Variants in DRC8 observed in about 807,000 individuals in gnomAD.
DRC8 encodes the protein dynein regulatory complex subunit 8.
chr1:245,001,758 T>C, the DRC8 span, among the ~76,000 whole-genome samples: 1 of 152,226 alleles, frequency 6.6e-6, no homozygotes, highest in Admixed American at 6.5e-5. Context: ...ACTTACATCT[T>C]TAGACTGCTG....
At chr1:245,103,673 C>A in the DRC8 span, among the ~76,000 whole-genome samples, 1 of 151,588 alleles carries the variant, frequency 6.6e-6, no homozygotes, top group East Asian at 1.9e-4. Flanking sequence ...TATTTCAGTC[C>A]TCCACCCTGT....
chr1:245,117,243 A>G, the DRC8 span, among the ~76,000 whole-genome samples: 2 of 151,910 alleles, frequency 1.3e-5, no homozygotes, highest in African/African-American at 4.8e-5. Context: ...TAGTAGAGAC[A>G]GGGTTTCACC....
At chr1:245,077,217 A>G in the DRC8 span, among the ~76,000 whole-genome samples, 1 of 152,168 alleles carries the variant, frequency 6.6e-6, no homozygotes, top group Admixed American at 6.5e-5. Context: ...ATTGTCTCAC[A>G]GTTCTAAAGG....
the DRC8 span, chr1:244,970,359 C>G: frequency 6.5e-7 from 1 of 1,530,178 alleles, no homozygotes; most frequent in Admixed American, 2.0e-5. Flanking sequence ...CTGAGCAGGC[C>G]GGGACACCGC....
chr1:245,030,868 C>T, the DRC8 span: 1 of 152,410 alleles, frequency 6.6e-6, no homozygotes, highest in South Asian at 2.1e-4. Context: ...TGTCAATATT[C>T]AGTAGTGTGT....
At chr1:245,109,680 A>T in the DRC8 span, among the ~76,000 whole-genome samples, 1 of 152,232 alleles carries the variant, frequency 6.6e-6, no homozygotes, top group South Asian at 2.1e-4. Context: ...AAAAAGAATG[A>T]TCACTTCCAT....
chr1:245,114,421 C>T, the DRC8 span, among the ~76,000 whole-genome samples: 20 of 151,472 alleles, frequency 1.3e-4, no homozygotes, highest in African/African-American at 4.6e-4. Context: ...GCTGAGGTCA[C>T]GCCACTGCAC....
the DRC8 span, among the ~76,000 whole-genome samples, chr1:245,109,710 C>T: frequency 6.2e-4 from 95 of 152,372 alleles, no homozygotes; most frequent in East Asian, 0.017. Context: ...AAGGAAATCA[C>T]AGCTCGGAGA....
At chr1:245,050,601 A>G in the DRC8 span, among the ~76,000 whole-genome samples, 2 of 152,204 alleles carry the variant, frequency 1.3e-5, no homozygotes, top group African/African-American at 2.4e-5. Flanking sequence ...GTGAGGGTTC[A>G]GTGAGTTAAT....
At chr1:245,029,803 C>T in the DRC8 span, among the ~76,000 whole-genome samples, 1 of 151,962 alleles carries the variant, frequency 6.6e-6, no homozygotes, top group Non-Finnish European at 1.5e-5. Context: ...ACCATGTTGG[C>T]CAGGCTGGTC....
the DRC8 span, among the ~76,000 whole-genome samples, chr1:245,045,651 CT>C: frequency 6.6e-6 from 1 of 152,168 alleles, no homozygotes; most frequent in East Asian, 1.9e-4. Context: ...GGTCACACCC[CT>C]GTGCAAACAG....
the DRC8 span, among the ~76,000 whole-genome samples, chr1:245,044,652 T>C: frequency 0.91 from 139,034 of 152,128 alleles, 64,570 homozygotes; most frequent in Non-Finnish European, 1. Flanking sequence ...ATCTCGGCTC[T>C]ACCTCCCGGG....
At chr1:245,109,576 G>A in the DRC8 span, among the ~76,000 whole-genome samples, 1 of 152,186 alleles carries the variant, frequency 6.6e-6, no homozygotes, top group African/African-American at 2.4e-5. Flanking sequence ...GATAATACTG[G>A]CCGCACGTAC....
chr1:245,083,778 A>C, the DRC8 span: 1 of 1,487,562 alleles, frequency 6.7e-7, no homozygotes, highest in Non-Finnish European at 8.9e-7. Flanking sequence ...GGATACTTTA[A>C]AATCAGTCAT....
the DRC8 span, among the ~76,000 whole-genome samples, chr1:245,032,046 A>C: frequency 6.6e-6 from 1 of 152,242 alleles, no homozygotes; most frequent in Non-Finnish European, 1.5e-5. Flanking sequence ...TACCATGGCC[A>C]ACTGTAGCAA....
At chr1:245,082,111 T>G in the DRC8 span, 1 of 1,612,698 alleles carries the variant, frequency 6.2e-7, no homozygotes, top group African/African-American at 1.3e-5. Context: ...ACTGGATACA[T>G]TCGATTCGAA....
At chr1:245,021,543 C>T in the DRC8 span, among the ~76,000 whole-genome samples, 1 of 152,186 alleles carries the variant, frequency 6.6e-6, no homozygotes, top group Non-Finnish European at 1.5e-5. Context: ...TCAAGCAATT[C>T]TCCTGCATTG....
chr1:245,069,460 A>G, the DRC8 span, among the ~76,000 whole-genome samples: 1 of 152,102 alleles, frequency 6.6e-6, no homozygotes, highest in East Asian at 1.9e-4. Context: ...AGGGTAACAG[A>G]GGCAGAAGAA....
the DRC8 span, among the ~76,000 whole-genome samples, chr1:245,061,915 G>A: frequency 0.041 from 6,232 of 152,222 alleles, 438 homozygotes; most frequent in African/African-American, 0.14. Flanking sequence ...AGACCAGCCT[G>A]GCCAACATGG....
Sources: gnomAD v4.1 joint callset for allele counts (sites outside exome capture counted in the v4.1 genomes callset) on GRCh38, gnomAD v4.1.1 for gene constraint, MANE v1.5 for transcripts, NCBI Gene and HGNC (gene_info 2026-07-23, HGNC 2026-07-21) for gene names.